MYH10: variants seen among roughly 807,000 people sequenced by gnomAD.
The protein encoded by MYH10 is myosin heavy chain 10.
Under a neutral mutation model 257.8 loss-of-function variants are expected in MYH10, and 55 were observed. The ratio of observed to expected loss-of-function variants is 0.21; its 90% CI spans 0.17 to 0.27. The LOEUF (loss-of-function observed/expected upper bound fraction) is 0.27, where lower values mean the gene tolerates loss of function less well. Ranked by LOEUF, MYH10 falls within the 10% of genes least tolerant of loss-of-function variation. MYH10 has a pLI of 1.00. For synonymous variants in MYH10, 854 were observed against 921.7 expected, an observed-to-expected ratio of 0.93 and a Z score of 1.33; for missense variants, 1,631 against 2,500.6, an observed-to-expected ratio of 0.65 and a Z score of 7.42.
At chr17:8,517,013 C>T (rs901347889) in intron 21 of MYH10, among the ~76,000 whole-genome samples, 4 of 151,838 alleles carry the variant, frequency 2.6e-5, no homozygotes, top group South Asian at 2.1e-4. Flanking sequence ...TGGTGGCGGG[C>T]GCCTGTAGTC....
intron 23 of MYH10, 123 bp downstream of exon 23, chr17:8,513,415 C>G: frequency 7.1e-7 from 1 of 1,403,454 alleles, no homozygotes; most frequent in East Asian, 2.4e-5. Flanking sequence ...GAAAAGGCCT[C>G]CCATAAAATA....
Position 8,478,430 on chromosome 17 carries a change from T to A in MYH10, c.5614A>T (p.Asn1872Tyr). The A allele has an allele frequency of 1.2e-6, 2 of 1,614,262 alleles. No individual in the cohort carries two copies. Among genetic ancestry groups the A allele is most frequent in the Non-Finnish European group, 1.7e-6 (2 of 1,180,042 alleles). The stretch of plus-strand genomic sequence containing the variant: ...TTCTCAGTGCGACGGACTAATTTGT[T>A]GGCGGCTGCTCGTTCCCTGTGAAAG... ...EQEAKERAAA[N>Y]KLVRRTEKKL... Residue 1872 changes from asparagine (N) to tyrosine (Y), a missense_variant, in exon 41 of 43, where the codon AAC (asparagine) becomes TAC (tyrosine). Transcript: ENST00000360416.
At chr17:8,630,398 C>T (rs1039593914) in intron 1 of MYH10, among the ~76,000 whole-genome samples, 1 of 151,924 alleles carries the variant, frequency 6.6e-6, no homozygotes, top group Non-Finnish European at 1.5e-5. Flanking sequence ...CCCGCTCCTC[C>T]GGGAGTCTCT....
intron 9 of MYH10, among the ~76,000 whole-genome samples, chr17:8,550,713 G>A (rs2082612040): frequency 6.6e-6 from 1 of 152,068 alleles, no homozygotes; most frequent in African/African-American, 2.4e-5. Context: ...GGAGGGGTGG[G>A]GAAGGGATTG....
chr17:8,477,113 C>G lies in MYH10; in HGVS notation c.5707-65G>C. 6.3e-7 allele frequency: 1 copy of G among 1,581,512 alleles called. No homozygotes were observed. The highest frequency in any genetic ancestry group is 2.2e-5 in the East Asian group (1 of 44,560). ...GAATCCAGTGTCGGCCTCTCTGTAC[C>G]CCGAGCGTGGCAGTGTGGGGCTCTG... is the stretch of plus-strand genomic sequence containing the variant. On this transcript the variant is annotated intron_variant, in intron 41 of 42. Transcript: ENST00000360416. The surrounding 1 kb of genome is among the most constrained non-coding windows in gnomAD (Gnocchi z 4.2).
At position 8,592,933 on chromosome 17, in the gene MYH10, CTATATATATATATATATATA is replaced by C. The variant is rs71159601; in HGVS notation, c.503-3845_503-3826del. On this transcript the variant is annotated intron_variant, in intron 3 of 42. Transcript: ENST00000360416. ...CAAAATGTTGGTAAATCAAATCCAG[CTATATATATATATATATATA>C]TATATATATATATATATAAAAGATG... Among the ~76,000 whole-genome samples, 78 of 44,746 alleles carry C rather than the reference CTATATATATATATATATATA, an allele frequency of 1.7e-3. 11 individuals are homozygous for C. Among genetic ancestry groups the C allele is most frequent in the East Asian group, 5.0e-3 (5 of 1,010 alleles). 29.4% of individuals were successfully genotyped at this position (44,746 alleles called of 152,430 possible).
chr17:8,510,597 G>A (rs531840808), intron 24 of MYH10, among the ~76,000 whole-genome samples: 1 of 152,284 alleles, frequency 6.6e-6, no homozygotes, highest in East Asian at 1.9e-4. Flanking sequence ...TGGCACATTT[G>A]TTAAATGGAA....
intron 3 of MYH10, among the ~76,000 whole-genome samples, chr17:8,592,933 C>CATATATATATATATA (rs1555612260): frequency 2.2e-5 from 1 of 44,712 alleles, no homozygotes. Flanking sequence ...TCAAATCCAG[C>CATATATATATATATA]TATATATATA....
chr17:8,574,665 G>A (rs1007421840), intron 6 of MYH10, among the ~76,000 whole-genome samples: 1 of 152,208 alleles, frequency 6.6e-6, no homozygotes. Context: ...GTGATAAAAT[G>A]CTGGATGTAC....
At chr17:8,598,985 G>A (rs141920733) in intron 3 of MYH10, among the ~76,000 whole-genome samples, 3 of 152,192 alleles carry the variant, frequency 2.0e-5, no homozygotes, top group Non-Finnish European at 2.9e-5. Context: ...GAGATTACAG[G>A]CGTGAGCCAT....
chr17:8,611,986 T>C (rs2085057306), intron 2 of MYH10, among the ~76,000 whole-genome samples: 2 of 152,222 alleles, frequency 1.3e-5, no homozygotes, highest in South Asian at 4.1e-4. Flanking sequence ...CAATCAACTG[T>C]GGTCCAAAAA....
At chr17:8,600,156 G>T (rs1222145833) in intron 3 of MYH10, among the ~76,000 whole-genome samples, 1 of 152,166 alleles carries the variant, frequency 6.6e-6, no homozygotes, top group East Asian at 1.9e-4. Flanking sequence ...CCAAGTAACA[G>T]CATTAAAAGA....
intron 4 of MYH10, among the ~76,000 whole-genome samples, chr17:8,579,856 A>G (rs1380840652): frequency 7.2e-5 from 11 of 152,208 alleles, no homozygotes; most frequent in Admixed American, 5.9e-4. Context: ...TCAACCTGAA[A>G]AAAATTTTAT....
Position 8,521,304 on chromosome 17 carries a change from A to C in MYH10, c.1958-19T>G. 1 of 1,611,712 alleles carries C rather than the reference A, an allele frequency of 6.2e-7. No individual in the cohort carries two copies. ...CGGTCCACTGGGGAGAAGAAAGGAG[A>C]AAACAAATATAAGCCAAACCTCACT... is the stretch of plus-strand genomic sequence containing the variant. On this transcript the variant is annotated intron_variant, in intron 17 of 42. Transcript: ENST00000360416.
At chr17:8,612,107 G>C (rs1477798046) in intron 2 of MYH10, among the ~76,000 whole-genome samples, 1 of 152,222 alleles carries the variant, frequency 6.6e-6, no homozygotes, top group Non-Finnish European at 1.5e-5. Flanking sequence ...CACAGACCGT[G>C]AATTATCCCT....
intron 35 of MYH10, among the ~76,000 whole-genome samples, chr17:8,489,846 G>A (rs1428103679): frequency 6.6e-6 from 1 of 152,024 alleles, no homozygotes; most frequent in Non-Finnish European, 1.5e-5. Flanking sequence ...TAACATATAT[G>A]CAGAAAAGTG....
At chr17:8,482,006 A>G (rs945506472) in intron 37 of MYH10, among the ~76,000 whole-genome samples, 2 of 152,184 alleles carry the variant, frequency 1.3e-5, no homozygotes, top group African/African-American at 4.8e-5. Context: ...GGGCTCTCAG[A>G]GGACTGGACA....
At chr17:8,513,194 A>G (rs138451324) in intron 23 of MYH10, among the ~76,000 whole-genome samples, 1 of 152,178 alleles carries the variant, frequency 6.6e-6, no homozygotes. Flanking sequence ...TCCTTTGACC[A>G]TTTTTCTATT....
At chr17:8,476,309 C>A (rs763880954) in intron 42 of MYH10, among the ~76,000 whole-genome samples, 1 of 152,222 alleles carries the variant, frequency 6.6e-6, no homozygotes, top group African/African-American at 2.4e-5. Flanking sequence ...TTCTTTGTTT[C>A]GGCGTTTTTA....
Sources: allele counts gnomAD v4.1 joint callset (sites outside exome capture counted in the v4.1 genomes callset), GRCh38; gene constraint gnomAD v4.1.1; non-coding constraint Gnocchi (gnomAD v3.1); transcripts MANE v1.5; gene names NCBI Gene and HGNC (gene_info 2026-07-23, HGNC 2026-07-21).